GRAMD1B: variants seen among roughly 807,000 people sequenced by gnomAD.
The protein encoded by GRAMD1B is GRAM domain containing 1B.
A neutral mutation model predicts 99.7 loss-of-function variants in GRAMD1B; 37 were observed. The observed-to-expected ratio is 0.37, with a 90% CI of 0.29 to 0.49. GRAMD1B has a LOEUF of 0.49. GRAMD1B is among the 20% of genes least tolerant of loss of function. The probability of loss-of-function intolerance (pLI) is 0.98; values close to 1 mark genes in which losing one functional copy is unlikely to be tolerated. For missense variants in GRAMD1B, 888 were observed against 1,009.2 expected (o/e 0.88, Z 1.63); for synonymous variants, 427 against 387.6 (o/e 1.10, Z -1.19).
chr11:123,416,004 G>A (rs1336660872), intron 1 of GRAMD1B, among the ~76,000 whole-genome samples: 1 of 152,126 alleles, frequency 6.6e-6, no homozygotes, highest in African/African-American at 2.4e-5. Flanking sequence ...GGCTCTTGTA[G>A]GTTTTAGAAA....
Position 123,413,072 on chromosome 11 carries a change from G to A in GRAMD1B, c.-176+54273G>A, listed in dbSNP as rs549489534. On this transcript the variant is annotated intron_variant, in intron 1 of 20. Transcript: ENST00000638157. ...GCTGGGATTACAGGCGTGAGCCACC[G>A]CACCCAGCCTGCACTCTCTTTTTTA... 2.8e-4 allele frequency among the ~76,000 whole-genome samples: 42 copies of A among 152,172 alleles called. 1 individual carries two copies. The East Asian group carries it at 7.3e-3, about 27-fold the overall frequency.
At chr11:123,361,457 G>T (rs1274687328) in intron 1 of GRAMD1B, among the ~76,000 whole-genome samples, 1 of 152,180 alleles carries the variant, frequency 6.6e-6, no homozygotes, top group Non-Finnish European at 1.5e-5. Flanking sequence ...TTCTCCTGGG[G>T]TGTCTGCTGC....
chr11:123,554,511 A>G (rs1945953384), intron 2 of GRAMD1B, among the ~76,000 whole-genome samples: 1 of 144,090 alleles, frequency 6.9e-6, no homozygotes, highest in African/African-American at 2.6e-5. Flanking sequence ...CAACATAGGG[A>G]GACCCCATCT....
At chr11:123,421,586 G>C (rs1358766237) in intron 1 of GRAMD1B, among the ~76,000 whole-genome samples, 1 of 152,206 alleles carries the variant, frequency 6.6e-6, no homozygotes, top group African/African-American at 2.4e-5. Context: ...GGATGAGATA[G>C]CTAATTCTTC....
chr11:123,496,043 A>T (rs1287971213), intron 2 of GRAMD1B, among the ~76,000 whole-genome samples: 1 of 152,188 alleles, frequency 6.6e-6, no homozygotes. Flanking sequence ...GTGTACTATT[A>T]CATGTGAGTT....
intron 1 of GRAMD1B, among the ~76,000 whole-genome samples, chr11:123,418,717 T>C (rs1025055555): frequency 6.6e-6 from 1 of 152,208 alleles, no homozygotes. Context: ...TCTTCAGTTT[T>C]CTTCTCTCCA....
intron 9 of GRAMD1B, among the ~76,000 whole-genome samples, chr11:123,604,205 G>A (rs1048840453): frequency 3.3e-5 from 5 of 152,206 alleles, no homozygotes; most frequent in Admixed American, 6.5e-5. Context: ...GGGAAGCCTG[G>A]GCTGAGGCCA....
At chr11:123,579,350 C>G (rs374739264) in intron 3 of GRAMD1B, among the ~76,000 whole-genome samples, 5 of 152,282 alleles carry the variant, frequency 3.3e-5, no homozygotes, top group African/African-American at 9.6e-5. Flanking sequence ...AACAGCTGTT[C>G]CCTTTCCTAA....
chr11:123,485,049 A>C (rs1339995688), intron 2 of GRAMD1B, among the ~76,000 whole-genome samples: 5 of 152,154 alleles, frequency 3.3e-5, no homozygotes, highest in African/African-American at 1.2e-4. Flanking sequence ...GCCTCCCTGC[A>C]GTCATCTTCT....
chr11:123,600,315 C>A (rs1257529986), intron 7 of GRAMD1B, among the ~76,000 whole-genome samples, 153 bp from the exon 8 acceptor site: 1 of 152,196 alleles, frequency 6.6e-6, no homozygotes, highest in Non-Finnish European at 1.5e-5. Context: ...CTGACCCCAT[C>A]ACTAAAGCGG....
intron 1 of GRAMD1B, among the ~76,000 whole-genome samples, chr11:123,449,883 G>A (rs752532106): frequency 4.0e-5 from 6 of 151,802 alleles, no homozygotes; most frequent in Non-Finnish European, 7.4e-5. Context: ...CACTATGCTC[G>A]GCTAGATTTT....
chr11:123,472,732 G>A (rs1342582385), intron 1 of GRAMD1B, among the ~76,000 whole-genome samples: 4 of 152,140 alleles, frequency 2.6e-5, no homozygotes, highest in Non-Finnish European at 4.4e-5. Flanking sequence ...CATAGCCCAG[G>A]GGGAAGGCTG....
intron 4 of GRAMD1B, among the ~76,000 whole-genome samples, chr11:123,593,690 G>T (rs1303775907): frequency 6.6e-6 from 1 of 152,134 alleles, no homozygotes; most frequent in Non-Finnish European, 1.5e-5. Flanking sequence ...ATGGGGGGCT[G>T]GGCAGCCTTC....
rs375528994 is a variant in GRAMD1B at position 123,557,381 on chromosome 11, T to C, written c.453-19986T>C. The stretch of plus-strand genomic sequence containing the variant: ...TTTTGAGGGTAGCAGGCAAATAACA[T>C]TTTGGTGACTGAAGAAATACCACGC... On this transcript the variant is annotated intron_variant, in intron 2 of 19. Transcript: ENST00000635736. Among the ~76,000 whole-genome samples the C allele has an allele frequency of 4.5e-4, 68 of 152,338 alleles. No homozygotes were observed. The South Asian group carries it at 0.013, about 30-fold the overall frequency.
chr11:123,382,943 C>T (rs893877375), intron 1 of GRAMD1B, among the ~76,000 whole-genome samples: 1 of 152,154 alleles, frequency 6.6e-6, no homozygotes, highest in Non-Finnish European at 1.5e-5. Flanking sequence ...GCCAGTGCCT[C>T]CCTTGGCAGG....
In GRAMD1B at chr11:123,401,164, A is replaced by G. The variant is rs144014098; in HGVS notation, c.-176+42365A>G. Among the ~76,000 whole-genome samples, 933 of 152,360 alleles carry G rather than the reference A, an allele frequency of 6.1e-3. 9 individuals are homozygous for G. Among genetic ancestry groups the G allele is most frequent in the Admixed American group, 0.026 (405 of 15,300 alleles). On this transcript the variant is annotated intron_variant, in intron 1 of 20. Transcript: ENST00000638157. ...GAGGTTTGGTAACTTGCCCACTGTC[A>G]TGCAGATATGATGAAATTGTTTCAA...
At chr11:123,585,301 G>A (rs2136368627) in intron 4 of GRAMD1B, among the ~76,000 whole-genome samples, 1 of 152,282 alleles carries the variant, frequency 6.6e-6, no homozygotes, top group South Asian at 2.1e-4. Flanking sequence ...TTTAATGTAG[G>A]GACAGGGTTG....
intron 2 of GRAMD1B, among the ~76,000 whole-genome samples, chr11:123,502,529 C>T (rs1329150488): frequency 6.6e-6 from 1 of 152,100 alleles, no homozygotes; most frequent in African/African-American, 2.4e-5. Context: ...AATCCCAGCA[C>T]TTTGGGAAGC....
intron 1 of GRAMD1B, among the ~76,000 whole-genome samples, chr11:123,395,936 CAG>C (rs1947442271): frequency 6.6e-6 from 1 of 152,094 alleles, no homozygotes; most frequent in East Asian, 1.9e-4. Flanking sequence ...AAGGAGGTAT[CAG>C]AGATAAAAGG....
Sources: gnomAD v4.1 joint callset for allele counts (sites outside exome capture counted in the v4.1 genomes callset) on GRCh38, gnomAD v4.1.1 for gene constraint, MANE v1.5 for transcripts, NCBI Gene and HGNC (gene_info 2026-07-23, HGNC 2026-07-21) for gene names.